Variants in PARD3B observed in about 807,000 individuals in gnomAD.
PARD3B encodes partitioning defective 3 homolog B.
In PARD3B, 103 loss-of-function variants were observed where a neutral mutation model predicts 130.2. That is an observed-to-expected ratio of 0.79 (90% confidence interval 0.67 to 0.93). PARD3B has a LOEUF of 0.93. Ranked by LOEUF, PARD3B falls within the 40% of genes least tolerant of loss-of-function variation. PARD3B has a pLI of 0.00. For missense variants in PARD3B, 1,609 were observed against 1,499.2 expected (o/e 1.07, Z -1.21); for synonymous variants, 583 against 553.2 (o/e 1.05, Z -0.76).
rs78464922 is a variant in PARD3B at position 205,078,480 on chromosome 2, G to A, written c.505-25946G>A. Among the ~76,000 whole-genome samples the A allele has an allele frequency of 0.096, 14,616 of 152,010 alleles. 845 individuals are homozygous for A. Among genetic ancestry groups the A allele is most frequent in the Middle Eastern group, 0.2 (58 of 292 alleles). ...TAATGAATGCTACTTAATCCATTAG[G>A]GTTCACATAAGTATTCTATCAAGAT... On this transcript the variant is annotated intron_variant, in intron 4 of 22. Coordinates refer to ENST00000406610, the MANE Select transcript of PARD3B (RefSeq NM_001302769.2). This position sits in a 1 kb window ranked among gnomAD's most constrained non-coding sequence, Gnocchi z 4.0.
At chr2:205,344,318 A>C (rs536664237) in intron 18 of PARD3B, among the ~76,000 whole-genome samples, 1 of 152,102 alleles carries the variant, frequency 6.6e-6, no homozygotes, top group Non-Finnish European at 1.5e-5. Flanking sequence ...TGGATGAGGC[A>C]CACAGACACA....
chr2:205,250,762 C>T (rs1415648127), intron 16 of PARD3B, among the ~76,000 whole-genome samples: 1 of 151,914 alleles, frequency 6.6e-6, no homozygotes, highest in East Asian at 1.9e-4. Flanking sequence ...AACCCCGTCT[C>T]TACTAAAAAT....
intron 2 of PARD3B, among the ~76,000 whole-genome samples, chr2:204,871,856 T>G (rs1397142740): frequency 6.6e-6 from 1 of 152,126 alleles, no homozygotes; most frequent in Non-Finnish European, 1.5e-5. Context: ...ACTTGTGGCA[T>G]TAAGTAGATT....
At chr2:204,633,331 A>G (rs571944983) in intron 1 of PARD3B, among the ~76,000 whole-genome samples, 1 of 152,286 alleles carries the variant, frequency 6.6e-6, no homozygotes, top group East Asian at 1.9e-4. Flanking sequence ...GTACCCCCCA[A>G]CATCCCTAGA....
intron 20 of PARD3B, among the ~76,000 whole-genome samples, chr2:205,454,633 C>T (rs1293878061): frequency 6.6e-6 from 1 of 152,110 alleles, no homozygotes; most frequent in African/African-American, 2.4e-5. Context: ...ATTGTCAAGA[C>T]TTCTGTATAC....
At chr2:204,568,154 A>G (rs1035870097) in intron 1 of PARD3B, among the ~76,000 whole-genome samples, 1 of 152,234 alleles carries the variant, frequency 6.6e-6, no homozygotes, top group African/African-American at 2.4e-5. Flanking sequence ...TGGGATACCT[A>G]GGGGTTTGTA....
rs560880293 is a variant in PARD3B at position 204,632,060 on chromosome 2, G to A, written c.121-54121G>A. Among the ~76,000 whole-genome samples, 10 of 152,132 alleles carry A rather than the reference G, an allele frequency of 6.6e-5. No individual in the cohort carries two copies. In the East Asian group the frequency reaches 1.7e-3, roughly 26 times the overall value. On this transcript the variant is annotated intron_variant, in intron 1 of 22. Transcript: ENST00000406610. Reference sequence around the variant, plus strand: ...CAATTTGTTGGAGGTGGAGCCTGTGGGGAGGTGACTGGATCATGGGGGCAG... The same window carrying A: ...CAATTTGTTGGAGGTGGAGCCTGTGAGGAGGTGACTGGATCATGGGGGCAG...
At chr2:204,908,976 A>T (rs1239266280) in intron 2 of PARD3B, among the ~76,000 whole-genome samples, 1 of 152,166 alleles carries the variant, frequency 6.6e-6, no homozygotes, top group Non-Finnish European at 1.5e-5. Flanking sequence ...TGATAAAAAC[A>T]TTGAGTGGTT....
At chr2:204,559,594 T>C (rs2031169213) in intron 1 of PARD3B, among the ~76,000 whole-genome samples, 1 of 152,226 alleles carries the variant, frequency 6.6e-6, no homozygotes, top group Non-Finnish European at 1.5e-5. Context: ...TTGGTTGGAA[T>C]GTAAACTAAT....
At chr2:204,667,674 G>T (rs1427914463) in intron 1 of PARD3B, among the ~76,000 whole-genome samples, 2 of 152,168 alleles carry the variant, frequency 1.3e-5, no homozygotes, top group African/African-American at 4.8e-5. Flanking sequence ...GTGTGTGCTT[G>T]TGTGTGTGAG....
chr2:205,561,359 C>A (rs1407077889), intron 22 of PARD3B, among the ~76,000 whole-genome samples: 1 of 152,038 alleles, frequency 6.6e-6, no homozygotes, highest in Non-Finnish European at 1.5e-5. Flanking sequence ...AGATAGTAAT[C>A]CAAAGAGTTC....
intron 2 of PARD3B, among the ~76,000 whole-genome samples, chr2:204,826,645 T>A (rs1202342297): frequency 1.3e-5 from 2 of 152,230 alleles, no homozygotes; most frequent in Non-Finnish European, 2.9e-5. Flanking sequence ...GTTGAATTTT[T>A]AAAAATATTT....
At chr2:205,068,359 A>G (rs75323191) in intron 4 of PARD3B, among the ~76,000 whole-genome samples, 9,592 of 152,250 alleles carry the variant, frequency 0.063, 337 homozygotes, top group Middle Eastern at 0.18. Context: ...CCTAACCCCA[A>G]TATTGCTAAT....
intron 22 of PARD3B, among the ~76,000 whole-genome samples, chr2:205,571,513 CA>C (rs1177148825): frequency 1.3e-5 from 2 of 152,080 alleles, no homozygotes; most frequent in African/African-American, 4.8e-5. Context: ...AGGGAGCAAG[CA>C]AAGAAAATCC....
intron 2 of PARD3B, among the ~76,000 whole-genome samples, chr2:204,797,524 G>C (rs1419014623): frequency 6.6e-6 from 1 of 152,104 alleles, no homozygotes; most frequent in African/African-American, 2.4e-5. Context: ...AATTATTAAA[G>C]TGCATATTGC....
Position 204,971,331 on chromosome 2 carries a change from G to A in PARD3B, c.394+6008G>A, listed in dbSNP as rs186342724. 1.1e-4 allele frequency among the ~76,000 whole-genome samples: 17 copies of A among 152,268 alleles called. No individual in the cohort carries two copies. The East Asian group carries it at 3.3e-3, about 29-fold the overall frequency. On this transcript the variant is annotated intron_variant, in intron 3 of 22. Transcript: ENST00000406610. ...CAAACACACTCACACCACACACATA[G>A]CAGAACTAAAGCTCAGGGATGGGTT...
chr2:204,893,836 GAA>G (rs1273738563), intron 2 of PARD3B, among the ~76,000 whole-genome samples: 1 of 152,088 alleles, frequency 6.6e-6, no homozygotes, highest in African/African-American at 2.4e-5. Flanking sequence ...CTTATGAATA[GAA>G]AAGAGCTGTT....
At chr2:204,554,006 A>G (rs1290595215) in intron 1 of PARD3B, among the ~76,000 whole-genome samples, 1 of 152,058 alleles carries the variant, frequency 6.6e-6, no homozygotes, top group Non-Finnish European at 1.5e-5. Context: ...TAGTCATGTA[A>G]TGAATCACCA....
At chr2:204,572,185 A>G (rs1281956842) in intron 1 of PARD3B, among the ~76,000 whole-genome samples, 2 of 152,188 alleles carry the variant, frequency 1.3e-5, no homozygotes, top group African/African-American at 2.4e-5. Flanking sequence ...ATAGAAAAGA[A>G]CACTTTTCTT....
Sources: gnomAD v4.1 joint callset for allele counts (sites outside exome capture counted in the v4.1 genomes callset) on GRCh38, gnomAD v4.1.1 for gene constraint, Gnocchi (gnomAD v3.1) non-coding constraint, MANE v1.5 for transcripts, NCBI Gene and HGNC (gene_info 2026-07-23, HGNC 2026-07-21) for gene names.